The following DNAH5 variants were observed in gnomAD, a reference collection of about 807,000 sequenced individuals.
DNAH5 encodes dynein axonemal heavy chain 5.
DNAH5 carries 372 observed loss-of-function variants against 518.2 expected under a neutral mutation model. That is an observed-to-expected ratio of 0.72 (90% CI 0.66 to 0.78). The LOEUF is 0.78. Among genes scored for constraint, DNAH5 ranks in the 30% least tolerant of loss-of-function variants. The probability of loss-of-function intolerance (pLI) is 0.00; values close to 1 mark genes in which losing one functional copy is unlikely to be tolerated. For missense variants in DNAH5, 5,523 were observed against 5,687.0 expected (o/e 0.97, Z 0.93); for synonymous variants, 2,039 against 2,025.9 (o/e 1.01, Z -0.17).
chr5:13,829,388 T>C lies in DNAH5; in HGVS notation c.6444+122A>G, dbSNP rs749014728. 141 of 906,542 alleles carry C rather than the reference T, an allele frequency of 1.6e-4. 1 individual carries two copies. Among genetic ancestry groups the C allele is most frequent in the Admixed American group, 5.1e-4 (23 of 45,444 alleles). 56.2% of individuals were successfully genotyped at this position (906,542 alleles called of 1,614,324 possible). On this transcript the variant is annotated intron_variant, in intron 38 of 78. Transcript: ENST00000265104. ...TTATTTTTGTAGTAATACACCTTTC[T>C]ACTCAGTGTCAATAAAATCCTTTGT...
intron 35 of DNAH5, among the ~76,000 whole-genome samples, chr5:13,832,786 C>A (rs747545653): frequency 1.6e-4 from 24 of 152,278 alleles, no homozygotes; most frequent in Non-Finnish European, 3.4e-4. Flanking sequence ...TCCCTCCTGT[C>A]CCAACAGCTA....
At chr5:13,768,732 T>C (rs968919985) in intron 58 of DNAH5, among the ~76,000 whole-genome samples, 1 of 152,204 alleles carries the variant, frequency 6.6e-6, no homozygotes, top group Non-Finnish European at 1.5e-5. Flanking sequence ...CACCAGTATA[T>C]GGCATTGCCC....
chr5:13,814,683 A>G lies in DNAH5; in HGVS notation c.7152T>C (p.Asn2384=). 6.2e-7 allele frequency: 1 copy of G among 1,614,136 alleles called. No homozygotes were observed. Among genetic ancestry groups the G allele is most frequent in the Non-Finnish European group, 8.5e-7 (1 of 1,179,984 alleles). Residue 2384 remains asparagine (N), a synonymous_variant, in exon 43 of 79, where the codon AAT becomes AAC. Coordinates refer to ENST00000265104, the MANE Select transcript of DNAH5 (RefSeq NM_001369.3). ...TTCTTGAGACGGTGGCAGGAGAAGCATTGTCAATGTTATGAGGCTCGAAAA... is the reference window on the plus strand; with the variant it reads ...TTCTTGAGACGGTGGCAGGAGAAGCGTTGTCAATGTTATGAGGCTCGAAAA... ...KIIFEPHNID[N]ASPATVSRNG...
Position 13,894,762 on chromosome 5 carries a change from C to T in DNAH5, c.2319G>A (p.Leu773=), listed in dbSNP as rs1773695942. 1 of 1,614,022 alleles carries T rather than the reference C, an allele frequency of 6.2e-7. No homozygotes were observed. Among genetic ancestry groups the T allele is most frequent in the African/African-American group, 1.3e-5 (1 of 74,932 alleles). ...CCACTTTGGCCAAGTGAGGGACAAT[C>T]AATTGCTCAATGGCAGCAGGTATTT... is the stretch of plus-strand genomic sequence containing the variant. ...KSKIPAAIEQ[L]IVPHLAKVDE... The change falls in exon 16 of 79, where the codon TTG becomes TTA. Residue 773 remains leucine (L), a synonymous_variant. Coordinates refer to ENST00000265104, the MANE Select transcript of DNAH5 (RefSeq NM_001369.3).
At chr5:13,735,958 T>A in intron 66 of DNAH5, 26 bp from the exon 67 acceptor site, 11 of 1,561,934 alleles carry the variant, frequency 7.0e-6, no homozygotes, top group Non-Finnish European at 9.7e-6. Flanking sequence ...CAAGGTTGCA[T>A]GTGCTACGAG....
chr5:13,791,933 A>AT, intron 50 of DNAH5, 61 bp downstream of exon 50: 1 of 1,370,256 alleles, frequency 7.3e-7, no homozygotes. Flanking sequence ...ATCAATAAAA[A>AT]TATTTAGAAT....
chr5:13,810,191 C>G lies in DNAH5; in HGVS notation c.7477G>C (p.Gly2493Arg). ...CGTCCGTCCAGCTCCAGCGCCGCCC[C>G]CGCGCTCCACAGCAGCGCGAACACG... Reference protein sequence around the residue: ...LFVFALLWSAGAALELDGRRR... With the variant: ...LFVFALLWSARAALELDGRRR... Residue 2493 changes from glycine (G) to arginine (R), a missense_variant, in exon 45 of 79, where the codon GGG becomes CGG. Physicochemically the swap from Gly to Arg is moderately radical, Grantham distance 125. This residue lies in a region of DNAH5 where 5,121 missense variants were observed against 5,223.3 expected (regional missense o/e 0.98). Transcript: ENST00000265104. 3 of 1,549,594 alleles carry G rather than the reference C, an allele frequency of 1.9e-6. No individual in the cohort carries two copies. The highest frequency in any genetic ancestry group is 1.2e-5 in the South Asian group (1 of 83,998).
At chr5:13,758,816 A>G (rs979073917) in intron 61 of DNAH5, 30 bp downstream of exon 61, 4 of 1,613,458 alleles carry the variant, frequency 2.5e-6, no homozygotes, top group East Asian at 2.2e-5. Context: ...TAGATATGTG[A>G]CAGTCCCTGC....
intron 32 of DNAH5, among the ~76,000 whole-genome samples, chr5:13,844,367 C>T (rs933151024): frequency 6.6e-6 from 1 of 152,054 alleles, no homozygotes; most frequent in African/African-American, 2.4e-5. Context: ...AGTGTAGTCT[C>T]CGTCAAGTTA....
intron 30 of DNAH5, among the ~76,000 whole-genome samples, chr5:13,854,055 C>T (rs1007744745): frequency 1.3e-5 from 2 of 151,938 alleles, no homozygotes; most frequent in African/African-American, 2.4e-5. Flanking sequence ...AAGAGCAACC[C>T]CAAAACACAT....
At position 13,883,084 on chromosome 5, in the gene DNAH5, A is replaced by G; in HGVS notation, c.2994T>C (p.Ser998=). 1 of 1,613,960 alleles carries G rather than the reference A, an allele frequency of 6.2e-7. No individual in the cohort carries two copies. Among genetic ancestry groups the G allele is most frequent in the Non-Finnish European group, 8.5e-7 (1 of 1,180,024 alleles). ...SHTINFRDSN[S]ASNMKQNSLP... ...AACTGTTCTGCTTCATGTTAGAGGC[A>G]CTGTTACTGTCTGAGTTAACCCAAA... Residue 998 remains serine (S), a synonymous_variant, in exon 20 of 79, where the codon AGT becomes AGC. Transcript: ENST00000265104.
At chr5:13,764,791 A>G (rs1379273695) in intron 59 of DNAH5, among the ~76,000 whole-genome samples, 1 of 152,220 alleles carries the variant, frequency 6.6e-6, no homozygotes, top group Non-Finnish European at 1.5e-5. Flanking sequence ...TAAGCCCAAA[A>G]TTCATCAAAA....
intron 1 of DNAH5, among the ~76,000 whole-genome samples, chr5:13,941,658 G>A (rs1779471310): frequency 6.6e-6 from 1 of 152,212 alleles, no homozygotes; most frequent in African/African-American, 2.4e-5. Context: ...CTCCTGCAGA[G>A]CTTCTCGGCG....
chr5:13,797,228 G>T (rs1278433297), intron 47 of DNAH5, among the ~76,000 whole-genome samples: 1 of 152,172 alleles, frequency 6.6e-6, no homozygotes, highest in Non-Finnish European at 1.5e-5. Context: ...ACAAGCTTCT[G>T]CACAGCAAAA....
intron 75 of DNAH5, among the ~76,000 whole-genome samples, chr5:13,713,414 CAT>C (rs370220746): frequency 2.8e-4 from 27 of 96,920 alleles, no homozygotes; most frequent in African/African-American, 7.7e-4. Flanking sequence ...TATACACCGA[CAT>C]ATATATATAT....
At chr5:13,763,450 A>G (rs1483407284) in intron 59 of DNAH5, among the ~76,000 whole-genome samples, 1 of 152,250 alleles carries the variant, frequency 6.6e-6, no homozygotes, top group African/African-American at 2.4e-5. Flanking sequence ...TTTTAATCAT[A>G]GAACTATCAA....
intron 70 of DNAH5, among the ~76,000 whole-genome samples, chr5:13,724,971 G>A (rs558057956): frequency 1.3e-5 from 2 of 152,190 alleles, no homozygotes; most frequent in South Asian, 2.1e-4. Flanking sequence ...TTATAGCAAC[G>A]CACAAACTAA....
intron 52 of DNAH5, among the ~76,000 whole-genome samples, chr5:13,782,945 C>T (rs1182956135): frequency 6.6e-6 from 1 of 152,094 alleles, no homozygotes; most frequent in Non-Finnish European, 1.5e-5. Context: ...GAATAATGTC[C>T]ACCCTGCCCC....
chr5:13,811,305 A>G (rs906544478), intron 44 of DNAH5, among the ~76,000 whole-genome samples: 3 of 152,242 alleles, frequency 2.0e-5, no homozygotes, highest in Non-Finnish European at 4.4e-5. Context: ...CATGTACCCC[A>G]TAAGTATGTA....
Sources: gnomAD v4.1 joint callset for allele counts (sites outside exome capture counted in the v4.1 genomes callset) on GRCh38, gnomAD v4.1.1 for gene constraint, gnomAD v4.1.1 regional missense constraint, MANE v1.5 for transcripts, NCBI Gene and HGNC (gene_info 2026-07-23, HGNC 2026-07-21) for gene names.